RNF213: variants seen among roughly 807,000 people sequenced by gnomAD.
The protein encoded by RNF213 is ring finger protein 213, also known as E3 ubiquitin-protein ligase RNF213.
Under a neutral mutation model 514.4 loss-of-function variants are expected in RNF213, and 341 were observed. That is an observed-to-expected ratio of 0.66 (90% CI 0.61 to 0.73). The LOEUF (loss-of-function observed/expected upper bound fraction) is 0.73. RNF213 is among the 30% of genes least tolerant of loss of function. The pLI is 0.00. For missense variants in RNF213, 5,767 were observed against 6,615.6 expected, an observed-to-expected ratio of 0.87 and a Z score of 4.45; for synonymous variants, 2,655 against 2,658.2, an observed-to-expected ratio of 1.00 and a Z score of 0.04.
At chr17:80,297,575 TTAAAA>T in intron 10 of RNF213, among the ~76,000 whole-genome samples, 1 of 149,932 alleles carries the variant, frequency 6.7e-6, no homozygotes, top group South Asian at 2.1e-4. Flanking sequence ...GAAACAAAAA[TTAAAA>T]TAAAAAATAG....
At chr17:80,352,587 A>G (rs1418316090) in intron 32 of RNF213, 3 of 563,534 alleles carry the variant, frequency 5.3e-6, no homozygotes, top group African/African-American at 1.9e-5. Context: ...GGAGAATGGA[A>G]GGCAGACCTT....
At chr17:80,304,711 G>A (rs747648636) in intron 11 of RNF213, among the ~76,000 whole-genome samples, 4 of 152,004 alleles carry the variant, frequency 2.6e-5, no homozygotes, top group Non-Finnish European at 4.4e-5. Context: ...CCCTTTTATT[G>A]TAAAATATAC....
Position 80,360,087 on chromosome 17 carries a change from T to C in RNF213, c.11081T>C (p.Val3694Ala). ...ERHKGEMAYIVVQNHMNLSEN... is the reference protein window; with the variant it reads ...ERHKGEMAYIAVQNHMNLSEN... ...CATAAAGGTGAGATGGCCTACATCG[T>C]GGTGCAGAACCACATGAACCTTTCC... Residue 3694 changes from valine (V) to alanine (A), a missense_variant, in exon 38 of 68, where the codon GTG (valine) becomes GCG (alanine). Physicochemically the swap from Val to Ala is moderately conservative, Grantham distance 64. This residue lies in a region of RNF213 where 919 missense variants were observed against 1,121.0 expected (regional missense o/e 0.82). Coordinates refer to ENST00000582970, the MANE Select transcript of RNF213 (RefSeq NM_001256071.3). 6.2e-7 allele frequency: 1 copy of C among 1,614,192 alleles called. No individual in the cohort carries two copies. Among genetic ancestry groups the C allele is most frequent in the East Asian group, 2.2e-5 (1 of 44,878 alleles).
At chr17:80,356,306 G>A (rs1365079166) in intron 36 of RNF213, among the ~76,000 whole-genome samples, 1 of 152,180 alleles carries the variant, frequency 6.6e-6, no homozygotes, top group Non-Finnish European at 1.5e-5. Context: ...CCGGCCTGTT[G>A]ATGCTTTTGA....
At position 80,289,923 on chromosome 17, in the gene RNF213, C is replaced by T. The variant is rs117308931; in HGVS notation, c.1112+86C>T. ...CCCTGCACAACTCTCAGGGGATATC[C>T]AGGCTGCCCTTCTAGTCAGCTGTTT... On this transcript the variant is annotated intron_variant, in intron 6 of 67. Transcript: ENST00000582970. 4,934 of 1,406,214 alleles carry T rather than the reference C, an allele frequency of 3.5e-3. 16 individuals are homozygous for T. The highest frequency in any genetic ancestry group is 4.4e-3 in the Non-Finnish European group (4,494 of 1,016,500). 87.1% of individuals were successfully genotyped at this position (1,406,214 alleles called of 1,614,324 possible).
In RNF213 at chr17:80,375,746, C is replaced by G. The variant is rs779897017; in HGVS notation, c.13075-14C>G. ...GAGCTTTTAAATTCTTACTTGATACCCTTGATTTTGCAGGCCTGCAAGACC... is the reference window on the plus strand; with the variant it reads ...GAGCTTTTAAATTCTTACTTGATACGCTTGATTTTGCAGGCCTGCAAGACC... On this transcript the variant is annotated splice_polypyrimidine_tract_variant and intron_variant, in intron 50 of 67. Coordinates refer to ENST00000582970, the MANE Select transcript of RNF213 (RefSeq NM_001256071.3). 6.4e-7 allele frequency: 1 copy of G among 1,567,422 alleles called. No individual in the cohort carries two copies. The highest frequency in any genetic ancestry group is 1.7e-5 in the Admixed American group (1 of 59,898).
intron 15 of RNF213, among the ~76,000 whole-genome samples, chr17:80,313,598 GGTGGTGGAGGTGATGGTGATT>G (rs1285888278): frequency 2.9e-4 from 42 of 144,820 alleles, no homozygotes; most frequent in South Asian, 4.5e-4. Context: ...AGGTGATGGT[GGTGGTGGAGGTGATGGTGATT>G]GTGGTGGAGG....
chr17:80,263,856 A>T lies in RNF213; in HGVS notation c.97+78A>T, dbSNP rs921010495. The stretch of plus-strand genomic sequence containing the variant: ...GTCTCACCTCCCTTCCAGGAAATGG[A>T]AACCCTGGGCAGCAGGCAGCTCAGG... On this transcript the variant is annotated intron_variant, in intron 2 of 67. Transcript: ENST00000582970. This position sits in a 1 kb window ranked among gnomAD's most constrained non-coding sequence, Gnocchi z 4.9. The T allele has an allele frequency of 1.6e-6, 2 of 1,286,532 alleles. No individual in the cohort carries two copies. The highest frequency in any genetic ancestry group is 2.9e-5 in the African/African-American group (2 of 68,344). The allele number at this position is 1,286,532 out of a possible 1,614,324, so 79.7% of individuals were successfully genotyped here.
Position 80,354,469 on chromosome 17 carries a change from C to T in RNF213, c.10755C>T (p.Arg3585=). 1.2e-6 allele frequency: 2 copies of T among 1,614,200 alleles called. No homozygotes were observed. Among genetic ancestry groups the T allele is most frequent in the African/African-American group, 1.3e-5 (1 of 75,050 alleles). ...CTTTCTTGCGGGTATCCAAGATGCG[C>T]CTCAGTGTCTTTTTAAAGAAGCAAG... The part of the protein sequence containing the change: ...HASFLRVSKM[R]LSVFLKKQEE... Residue 3585 remains arginine, a synonymous_variant, in exon 36 of 68, where the codon CGC becomes CGT. Coordinates refer to ENST00000582970, the MANE Select transcript of RNF213 (RefSeq NM_001256071.3).
rs376268612 is a variant in RNF213, at chr17:80,344,923, A to G, written c.6588A>G (p.Glu2196=). The change falls in exon 29 of 68, where the codon GAA becomes GAG. Residue 2196 remains glutamate (E), a synonymous_variant. Coordinates refer to ENST00000582970, the MANE Select transcript of RNF213 (RefSeq NM_001256071.3). ...QEGSVEGTPE[E]CLQHFLFHCG... Reference sequence around the variant, plus strand: ...GCTCTGTCGAAGGCACCCCGGAGGAATGCCTCCAGCATTTCCTGTTTCACT... The same window carrying G: ...GCTCTGTCGAAGGCACCCCGGAGGAGTGCCTCCAGCATTTCCTGTTTCACT... 3 of 1,614,172 alleles carry G rather than the reference A, an allele frequency of 1.9e-6. No individual in the cohort carries two copies. The highest frequency in any genetic ancestry group is 2.5e-6 in the Non-Finnish European group (3 of 1,180,024).
rs138421996 is a variant in RNF213 at position 80,307,149 on chromosome 17, G to A, written c.2449G>A (p.Val817Ile). The part of the protein sequence containing the change: ...NTQDVQDVQN[V>I]QNILEMLLRL... ...TTAGGATGTTCAGGATGTTCAGAACGTTCAGAACATTTTAGAAATGCTGTT... is the reference window on the plus strand; with the variant it reads ...TTAGGATGTTCAGGATGTTCAGAACATTCAGAACATTTTAGAAATGCTGTT... The change falls in exon 13 of 68, where the codon GTT (valine) becomes ATT (isoleucine). Residue 817 changes from valine (V) to isoleucine (I), a missense_variant. Transcript: ENST00000582970. 1.5e-4 allele frequency: 238 copies of A among 1,613,626 alleles called. 1 individual carries two copies. In the African/African-American group the frequency reaches 2.3e-3, roughly 16 times the overall value.
In RNF213 at chr17:80,361,804, A is replaced by T. The variant is rs1331640831; in HGVS notation, c.11271A>T (p.Gly3757=). The T allele has an allele frequency of 6.2e-7, 1 of 1,613,982 alleles. No homozygotes were observed. Among genetic ancestry groups the T allele is most frequent in the African/African-American group, 1.3e-5 (1 of 74,942 alleles). Residue 3757 remains glycine, a synonymous_variant, in exon 39 of 68, where the codon GGA becomes GGT. Coordinates refer to ENST00000582970, the MANE Select transcript of RNF213 (RefSeq NM_001256071.3). ...PLGRFLAQLH[G]EPQQELLQCY... ...GCAGGTTTCTTGCCCAGCTCCATGG[A>T]GAGCCGCAGCAGGAACTTCTTCAGT...
chr17:80,352,473 A>T, intron 32 of RNF213: 1 of 462,918 alleles, frequency 2.2e-6, no homozygotes, highest in South Asian at 3.4e-5. Flanking sequence ...GGGTCGGACT[A>T]TCTTCAGATC....
intron 15 of RNF213, 71 bp downstream of exon 15, chr17:80,313,238 G>A (rs1299107346): frequency 1.9e-6 from 3 of 1,587,902 alleles, no homozygotes; most frequent in East Asian, 2.2e-5. Flanking sequence ...TCAAATCATG[G>A]GGTACAGGCT....
chr17:80,378,173 A>G (rs2079838127), intron 54 of RNF213, among the ~76,000 whole-genome samples: 1 of 152,228 alleles, frequency 6.6e-6, no homozygotes, highest in Admixed American at 6.5e-5. Flanking sequence ...AACTGCTGCT[A>G]GCCATTCTTT....
At chr17:80,308,948 A>G (rs2045468417) in intron 13 of RNF213, 70 bp from the exon 14 acceptor site, 4 of 1,586,788 alleles carry the variant, frequency 2.5e-6, no homozygotes, top group Non-Finnish European at 2.6e-6. Context: ...GGAGCTAGTC[A>G]TCAATGGTAA....
At chr17:80,279,547 C>T (rs9905368) in intron 3 of RNF213, among the ~76,000 whole-genome samples, 11,841 of 151,992 alleles carry the variant, frequency 0.078, 1,032 homozygotes, top group African/African-American at 0.21. Flanking sequence ...TCACTGCAAC[C>T]TCCGCGTGCA....
intron 52 of RNF213, 58 bp from the exon 53 acceptor site, chr17:80,376,824 C>A: frequency 6.9e-7 from 1 of 1,454,180 alleles, no homozygotes; most frequent in Non-Finnish European, 9.6e-7. Flanking sequence ...TGCTGAGCAG[C>A]AGCACCCAGG....
Position 80,340,258 on chromosome 17 carries a change from CA to C in RNF213, c.5892del (p.Gly1965ValfsTer38). The C allele has an allele frequency of 6.2e-7, 1 of 1,614,114 alleles. No individual in the cohort carries two copies. Among genetic ancestry groups the C allele is most frequent in the Non-Finnish European group, 8.5e-7 (1 of 1,180,010 alleles). On this transcript the variant is annotated frameshift_variant, in exon 26 of 68. Transcript: ENST00000582970. LOFTEE classifies it high-confidence loss of function. ...CTCGAGGCCATCCAAGCCTACCTGGCAGGTCACTACCGGGTCCCGAAGCAGA... is the reference window on the plus strand; with the variant it reads ...CTCGAGGCCATCCAAGCCTACCTGGCGGTCACTACCGGGTCCCGAAGCAGA... ...APLEAIQAYL[A>X]GHYRVPKQTL... is the part of the protein sequence containing the mutation.
Sources: gnomAD v4.1 joint callset for allele counts (sites outside exome capture counted in the v4.1 genomes callset) on GRCh38, gnomAD v4.1.1 for gene constraint, gnomAD v4.1.1 regional missense constraint, Gnocchi (gnomAD v3.1) non-coding constraint, MANE v1.5 for transcripts, NCBI Gene and HGNC (gene_info 2026-07-23, HGNC 2026-07-21) for gene names.